EDRF1: variants seen among roughly 807,000 people sequenced by gnomAD.
EDRF1 encodes erythroid differentiation regulatory factor 1.
Under a neutral mutation model 148.7 loss-of-function variants are expected in EDRF1, and 69 were observed. The observed-to-expected ratio is 0.46, with a 90% confidence interval of 0.38 to 0.57. The LOEUF (loss-of-function observed/expected upper bound fraction) is 0.57, where lower values mean the gene tolerates loss of function less well. Among genes scored for constraint, EDRF1 ranks in the 20% least tolerant of loss-of-function variants. The pLI is 0.00. For missense variants in EDRF1, 1,118 were observed against 1,478.7 expected (o/e 0.76, Z 4.00); for synonymous variants, 515 against 532.8 (o/e 0.97, Z 0.46).
In EDRF1 at chr10:125,727,772, G is replaced by A. The variant is rs367833779; in HGVS notation, c.793-1231G>A. Among the ~76,000 whole-genome samples the A allele has an allele frequency of 1.4e-4, 22 of 152,256 alleles. No individual in the cohort carries two copies. The East Asian group carries it at 1.5e-3, about 11-fold the overall frequency. ...AAGCAACACACGCATGCCTGTCTTG[G>A]GTTCTGTTGAGGCAATGACATTAAA... On this transcript the variant is annotated intron_variant, in intron 6 of 24. Coordinates refer to ENST00000356792, the MANE Select transcript of EDRF1 (RefSeq NM_001202438.2).
chr10:125,755,441 G>T (rs1305491702), intron 24 of EDRF1, among the ~76,000 whole-genome samples: 4 of 152,202 alleles, frequency 2.6e-5, no homozygotes, highest in Non-Finnish European at 5.9e-5. Context: ...ATAGGGGATA[G>T]TGGTCTACAG....
chr10:125,745,412 A>G, intron 18 of EDRF1: 1 of 419,608 alleles, frequency 2.4e-6, no homozygotes, highest in South Asian at 2.4e-5. Flanking sequence ...ATACTGGATT[A>G]GGATCCCACC....
At chr10:125,752,277 C>G (rs1427807509) in intron 22 of EDRF1, among the ~76,000 whole-genome samples, 1 of 152,252 alleles carries the variant, frequency 6.6e-6, no homozygotes, top group Non-Finnish European at 1.5e-5. Context: ...GCACACCGCA[C>G]ACAATTGAGT....
intron 20 of EDRF1, 82 bp downstream of exon 20, chr10:125,747,776 C>T (rs1384442642): frequency 1.9e-6 from 3 of 1,609,762 alleles, no homozygotes; most frequent in Non-Finnish European, 2.6e-6. Context: ...GTTGTCTTTT[C>T]CCTAATAAGC....
At chr10:125,756,382 G>A (rs1849897775) in intron 24 of EDRF1, among the ~76,000 whole-genome samples, 1 of 152,214 alleles carries the variant, frequency 6.6e-6, no homozygotes, top group Non-Finnish European at 1.5e-5. Context: ...CATGTTCCAT[G>A]TGTACTTGAA....
At chr10:125,746,167 G>A (rs1589856022) in intron 19 of EDRF1, among the ~76,000 whole-genome samples, 1 of 152,180 alleles carries the variant, frequency 6.6e-6, no homozygotes, top group South Asian at 2.1e-4. Context: ...TTTGTACAAC[G>A]AGCATGAATG....
chr10:125,725,789 C>T lies in EDRF1; in HGVS notation c.743C>T (p.Pro248Leu). 6.2e-7 allele frequency: 1 copy of T among 1,613,910 alleles called. No homozygotes were observed. The change falls in exon 6 of 25, where the codon CCC becomes CTC. Residue 248 changes from proline to leucine, a missense_variant. Physicochemically the swap from Pro to Leu is moderately conservative, Grantham distance 98. Coordinates refer to ENST00000356792, the MANE Select transcript of EDRF1 (RefSeq NM_001202438.2). ...NDSEGASWPA[P>L]FEMPSSVSED... ...TCGGAAGGGGCTTCATGGCCTGCTC[C>T]CTTCGAAATGCCTTCTTCAGTTTCT...
chr10:125,725,533 T>G lies in EDRF1; in HGVS notation c.635+91T>G, dbSNP rs1848216883. 1.2e-5 allele frequency: 19 copies of G among 1,580,414 alleles called. No homozygotes were observed. The South Asian group carries it at 2.0e-4, about 17-fold the overall frequency. On this transcript the variant is annotated intron_variant, in intron 5 of 24. Coordinates refer to ENST00000356792, the MANE Select transcript of EDRF1 (RefSeq NM_001202438.2). ...CTTAATGAAGTTATAATTTAAGTTT[T>G]GCCCCTGTGATACTGTTAACATTTG...
chr10:125,751,136 T>C (rs998996534), intron 22 of EDRF1, among the ~76,000 whole-genome samples: 2 of 152,124 alleles, frequency 1.3e-5, no homozygotes, highest in East Asian at 1.9e-4. Context: ...GGTCTCACTA[T>C]GTTATAAGCC....
rs749345289 is a variant in EDRF1, at chr10:125,733,464, AAAG to A, written c.1190_1192del (p.Lys397_Val398delinsIle). The stretch of plus-strand genomic sequence containing the variant: ...TTTGGAAAATTCTAATTTTTCTACT[AAAG>A]TCATAAAAGACATTGCACAGAATAT... On this transcript the variant is annotated inframe_deletion, in exon 10 of 25. Coordinates refer to ENST00000356792, the MANE Select transcript of EDRF1 (RefSeq NM_001202438.2). 6.3e-7 allele frequency: 1 copy of A among 1,590,508 alleles called. No homozygotes were observed.
intron 11 of EDRF1, 124 bp downstream of exon 11, chr10:125,733,867 A>G: frequency 2.1e-6 from 2 of 954,120 alleles, no homozygotes; most frequent in Non-Finnish European, 3.3e-6. Flanking sequence ...GGGGAAAAAT[A>G]CACGTACACA....
At chr10:125,721,075 G>A in intron 1 of EDRF1, 129 bp from the exon 2 acceptor site, 1 of 844,558 alleles carries the variant, frequency 1.2e-6, no homozygotes, top group Admixed American at 1.9e-5. Context: ...TTTATTAAGT[G>A]CTGTTAGTAA....
At chr10:125,749,586 C>A in intron 22 of EDRF1, 21 bp downstream of exon 22, 3 of 1,612,904 alleles carry the variant, frequency 1.9e-6, no homozygotes, top group Non-Finnish European at 2.5e-6. Context: ...ATTTTCATTT[C>A]TCAGATATGT....
chr10:125,741,476 C>T (rs1032163954), intron 17 of EDRF1: 2 of 423,324 alleles, frequency 4.7e-6, no homozygotes, highest in Non-Finnish European at 9.1e-6. Flanking sequence ...CGCCACCATG[C>T]CCGGCTAGCC....
intron 4 of EDRF1, 139 bp downstream of exon 4, chr10:125,724,075 A>G: frequency 1.0e-6 from 1 of 989,856 alleles, no homozygotes; most frequent in Non-Finnish European, 1.5e-6. Context: ...TTCACTGAAG[A>G]TAGAAAAGCT....
intron 24 of EDRF1, among the ~76,000 whole-genome samples, chr10:125,758,779 G>A (rs753477174): frequency 2.8e-4 from 42 of 152,058 alleles, no homozygotes; most frequent in Middle Eastern, 3.4e-3. Flanking sequence ...GTGCCTTTTC[G>A]CCTGTTTGGG....
At chr10:125,732,593 A>T (rs773654065) in intron 9 of EDRF1, among the ~76,000 whole-genome samples, 1 of 152,152 alleles carries the variant, frequency 6.6e-6, no homozygotes, top group Non-Finnish European at 1.5e-5. Context: ...GAGAAGGAGA[A>T]CAAGAATAGC....
At chr10:125,756,926 C>T (rs1261220120) in intron 24 of EDRF1, 1 of 396,442 alleles carries the variant, frequency 2.5e-6, no homozygotes, top group East Asian at 7.9e-5. Context: ...AATCCCCCAC[C>T]TCAGCCTCTC....
At position 125,754,131 on chromosome 10, in the gene EDRF1, G is replaced by A. The variant is rs142639380; in HGVS notation, c.3545+286G>A. Reference sequence around the variant, plus strand: ...CAGGGGAGGCTGAGGCACGAGACTTGCTTGAACCCAGGAGGTGGAGGTTGC... The same window carrying A: ...CAGGGGAGGCTGAGGCACGAGACTTACTTGAACCCAGGAGGTGGAGGTTGC... On this transcript the variant is annotated intron_variant, in intron 24 of 24. Coordinates refer to ENST00000356792, the MANE Select transcript of EDRF1 (RefSeq NM_001202438.2). Among the ~76,000 whole-genome samples the A allele has an allele frequency of 2.2e-4, 33 of 151,128 alleles. 1 individual carries two copies. The East Asian group carries it at 6.5e-3, about 30-fold the overall frequency.
Sources: allele counts gnomAD v4.1 joint callset (sites outside exome capture counted in the v4.1 genomes callset), GRCh38; gene constraint gnomAD v4.1.1; transcripts MANE v1.5; gene names NCBI Gene and HGNC (gene_info 2026-07-23, HGNC 2026-07-21).